Variants in NTN4 observed in about 807,000 individuals in gnomAD.
NTN4 encodes the protein netrin-4.
Under a neutral mutation model 73.6 loss-of-function variants are expected in NTN4, and 32 were observed. The observed-to-expected ratio is 0.44, with a 90% confidence interval of 0.33 to 0.58. NTN4 has a LOEUF of 0.58. Among genes scored for constraint, NTN4 ranks in the 20% least tolerant of loss-of-function variants. NTN4 has a pLI of 0.04. For missense variants in NTN4, 654 were observed against 798.3 expected (o/e 0.82, Z 2.18); for synonymous variants, 258 against 287.5 (o/e 0.90, Z 1.04).
At chr12:95,660,932 G>T (rs1461699924) in intron 9 of NTN4, among the ~76,000 whole-genome samples, 1 of 152,176 alleles carries the variant, frequency 6.6e-6, no homozygotes, top group Non-Finnish European at 1.5e-5. Context: ...AGGGCAGGAA[G>T]TTGAGCATGG....
intron 5 of NTN4, among the ~76,000 whole-genome samples, chr12:95,689,660 C>T (rs1415405055): frequency 6.6e-6 from 1 of 152,186 alleles, no homozygotes; most frequent in Non-Finnish European, 1.5e-5. Flanking sequence ...TGGGATTCAA[C>T]ACCCTTTCCT....
chr12:95,790,350 G>T lies in NTN4; in HGVS notation c.-41C>A. 2 of 1,503,540 alleles carry T rather than the reference G, an allele frequency of 1.3e-6. No individual in the cohort carries two copies. The highest frequency in any genetic ancestry group is 2.5e-5 in the South Asian group (2 of 79,504). 93.1% of individuals were successfully genotyped at this position (1,503,540 alleles called of 1,614,324 possible). ...GGAGCAGCCGGGCCGGGCGGGTGCC[G>T]GAGGGAGCCGAGACCTCTGGGCTGC... is the stretch of plus-strand genomic sequence containing the variant. On this transcript the variant is annotated 5_prime_UTR_variant, in exon 1 of 10. Coordinates refer to ENST00000343702, the MANE Select transcript of NTN4 (RefSeq NM_021229.4). This position sits in a 1 kb window ranked among gnomAD's most constrained non-coding sequence, Gnocchi z 6.5.
chr12:95,701,902 T>C (rs1415832855), intron 5 of NTN4, among the ~76,000 whole-genome samples: 1 of 152,192 alleles, frequency 6.6e-6, no homozygotes, highest in Non-Finnish European at 1.5e-5. Context: ...TTTTATTACA[T>C]GTATCATAGA....
chr12:95,710,416 T>C (rs1302491123), intron 5 of NTN4, 25 bp downstream of exon 5: 1 of 1,590,032 alleles, frequency 6.3e-7, no homozygotes, highest in Admixed American at 1.7e-5. Context: ...ATCAGCCTAT[T>C]TTCTGGAAAC....
chr12:95,709,743 G>A, intron 5 of NTN4, among the ~76,000 whole-genome samples: 1 of 152,022 alleles, frequency 6.6e-6, no homozygotes. Flanking sequence ...ATGTTGCCCA[G>A]GCTGGTCTCG....
intron 7 of NTN4, chr12:95,670,643 A>G (rs1485125108): frequency 6.6e-6 from 1 of 152,328 alleles, no homozygotes; most frequent in Admixed American, 6.5e-5. Context: ...CTTCAGCACC[A>G]TAAAGATAAG....
intron 2 of NTN4, among the ~76,000 whole-genome samples, chr12:95,766,217 T>C (rs1478849939): frequency 3.9e-5 from 6 of 152,238 alleles, no homozygotes; most frequent in Non-Finnish European, 8.8e-5. Context: ...ACCAAAATTA[T>C]GGGCTCCTGC....
At chr12:95,774,844 C>G (rs1476453512) in intron 2 of NTN4, among the ~76,000 whole-genome samples, 1 of 152,184 alleles carries the variant, frequency 6.6e-6, no homozygotes, top group Non-Finnish European at 1.5e-5. Flanking sequence ...CATGTTTACT[C>G]TCTCACCCAG....
At position 95,658,245 on chromosome 12, in the gene NTN4, G is replaced by C. The variant is rs2120894320; in HGVS notation, c.*841C>G. The C allele has an allele frequency of 6.6e-6, 1 of 152,264 alleles. No homozygotes were observed. The highest frequency in any genetic ancestry group is 6.5e-5 in the Admixed American group (1 of 15,296). The allele number at this position is 152,264 out of a possible 1,614,324, so 9.4% of individuals were successfully genotyped here. A position where few individuals can be genotyped will look rare whatever the true frequency, so the allele number is the denominator to read the frequency against. ...TAAAGTCCATTTCCCCTTTAGCCAA[G>C]CATATGTCTACATTTATGATTTCTT... On this transcript the variant is annotated 3_prime_UTR_variant, in exon 10 of 10. Coordinates refer to ENST00000343702, the MANE Select transcript of NTN4 (RefSeq NM_021229.4).
upstream of NTN4, among the ~76,000 whole-genome samples, chr12:95,790,928 C>CG (rs369924618): frequency 0.33 from 38,781 of 116,870 alleles, 7,224 homozygotes; most frequent in South Asian, 0.45. This position sits in a 1 kb window ranked among gnomAD's most constrained non-coding sequence, Gnocchi z 6.5. Flanking sequence ...CGCTGCCGCC[C>CG]GGGGGGGGGG....
At chr12:95,770,988 A>ATTTTTT (rs1460848065) in intron 2 of NTN4, among the ~76,000 whole-genome samples, 4,681 of 57,350 alleles carry the variant, frequency 0.082, 583 homozygotes, top group African/African-American at 0.2. Flanking sequence ...CAGGAAAAGA[A>ATTTTTT]TTTGTTTTTT....
intron 9 of NTN4, among the ~76,000 whole-genome samples, chr12:95,660,575 T>C (rs912574712): frequency 1.3e-5 from 2 of 152,184 alleles, no homozygotes; most frequent in Admixed American, 6.5e-5. Flanking sequence ...AAGGACAGTC[T>C]CATCACCTAT....
chr12:95,720,979 G>T (rs2121116061), intron 3 of NTN4, among the ~76,000 whole-genome samples: 1 of 152,236 alleles, frequency 6.6e-6, no homozygotes, highest in Admixed American at 6.5e-5. Flanking sequence ...GTTTCACAAA[G>T]GAGAAAACAA....
intron 3 of NTN4, among the ~76,000 whole-genome samples, chr12:95,723,160 T>C (rs1197173139): frequency 3.3e-5 from 5 of 152,050 alleles, no homozygotes; most frequent in African/African-American, 1.2e-4. Flanking sequence ...AGGCCAGCGA[T>C]AGACTATCTT....
At chr12:95,754,308 C>A (rs1197788398) in intron 2 of NTN4, among the ~76,000 whole-genome samples, 2 of 99,056 alleles carry the variant, frequency 2.0e-5, no homozygotes, top group Non-Finnish European at 4.5e-5. Flanking sequence ...CTCTCCCACT[C>A]TAGGTTCCCA....
intron 5 of NTN4, among the ~76,000 whole-genome samples, chr12:95,704,932 A>G (rs936718049): frequency 3.3e-5 from 5 of 152,210 alleles, no homozygotes; most frequent in African/African-American, 7.2e-5. Flanking sequence ...TTATGCTAAA[A>G]GAACTAAATT....
intron 7 of NTN4, 141 bp downstream of exon 7, chr12:95,682,566 G>T: frequency 1.9e-6 from 1 of 535,700 alleles, no homozygotes; most frequent in Non-Finnish European, 3.3e-6. Flanking sequence ...ACTTACAGGA[G>T]TCACTACTTT....
At chr12:95,670,320 TTCTAAATTAGTTA>T (rs1398567933) in intron 7 of NTN4, among the ~76,000 whole-genome samples, 174 bp from the exon 8 acceptor site, 1 of 152,198 alleles carries the variant, frequency 6.6e-6, no homozygotes, top group Non-Finnish European at 1.5e-5. Flanking sequence ...TAGAGTCTCT[TTCTAAATTAGTTA>T]TCTTCCAATA....
intron 2 of NTN4, among the ~76,000 whole-genome samples, chr12:95,778,207 C>T (rs1359886417): frequency 1.3e-5 from 2 of 152,026 alleles, no homozygotes; most frequent in African/African-American, 2.4e-5. Flanking sequence ...CAAAAGAAAG[C>T]AGGAAATATC....
Sources: gnomAD v4.1 joint callset for allele counts (sites outside exome capture counted in the v4.1 genomes callset) on GRCh38, gnomAD v4.1.1 for gene constraint, Gnocchi (gnomAD v3.1) non-coding constraint, MANE v1.5 for transcripts, NCBI Gene and HGNC (gene_info 2026-07-23, HGNC 2026-07-21) for gene names.